IREB2: variants seen among roughly 807,000 people sequenced by gnomAD.
IREB2 encodes iron-responsive element-binding protein 2.
Under a neutral mutation model 118.8 loss-of-function variants are expected in IREB2, and 39 were observed. That is an observed-to-expected ratio of 0.33 (90% CI 0.25 to 0.43). The LOEUF (loss-of-function observed/expected upper bound fraction) is 0.43, where lower values mean the gene tolerates loss of function less well. Among genes scored for constraint, IREB2 ranks in the 20% least tolerant of loss-of-function variants. The pLI is 1.00. For missense variants in IREB2, 900 were observed against 1,147.3 expected (o/e 0.78, Z 3.11); for synonymous variants, 372 against 392.2 (o/e 0.95, Z 0.61).
At chr15:78,468,737 A>T (rs947260521) in intron 5 of IREB2, among the ~76,000 whole-genome samples, 2 of 152,152 alleles carry the variant, frequency 1.3e-5, no homozygotes, top group Non-Finnish European at 2.9e-5. Flanking sequence ...TAATATTTTT[A>T]TGAAGCCACA....
In IREB2 at chr15:78,488,310, A is replaced by G; in HGVS notation, c.1925A>G (p.Asn642Ser). Residue 642 changes from asparagine to serine, a missense_variant, in exon 15 of 22, where the codon AAT becomes AGT. Physicochemically the swap from Asn to Ser is conservative, Grantham distance 46. Transcript: ENST00000258886. ...GCTTATGCCATAGCAGGCACAGTGAATATAGATTTCCAGACAGAACCTTTA... is the reference window on the plus strand; with the variant it reads ...GCTTATGCCATAGCAGGCACAGTGAGTATAGATTTCCAGACAGAACCTTTA... ...VVAYAIAGTV[N>S]IDFQTEPLGT... 1 of 1,602,496 alleles carries G rather than the reference A, an allele frequency of 6.2e-7. No individual in the cohort carries two copies.
In IREB2 at chr15:78,498,355, C is replaced by A; in HGVS notation, c.*212C>A. ...ATGGTGCTATTAATATTGCTAAAATCAACGTGTGAAGTGTGTTGTGGAAGA... is the reference window on the plus strand; with the variant it reads ...ATGGTGCTATTAATATTGCTAAAATAAACGTGTGAAGTGTGTTGTGGAAGA... On this transcript the variant is annotated 3_prime_UTR_variant, in exon 22 of 22. Transcript: ENST00000258886. The A allele has an allele frequency of 5.9e-6, 2 of 337,162 alleles. No homozygotes were observed. Among genetic ancestry groups the A allele is most frequent in the Non-Finnish European group, 1.1e-5 (2 of 184,812 alleles). The allele number at this position is 337,162 out of a possible 1,614,324, so 20.9% of individuals were successfully genotyped here.
intron 18 of IREB2, 90 bp from the exon 19 acceptor site, chr15:78,493,819 T>G: frequency 8.0e-7 from 1 of 1,244,042 alleles, no homozygotes; most frequent in East Asian, 2.4e-5. Flanking sequence ...TTTTCTGTGA[T>G]AAAAAAATTT....
At chr15:78,490,818 A>C (rs2051738729) in intron 18 of IREB2, 57 bp downstream of exon 18, 1 of 1,501,700 alleles carries the variant, frequency 6.7e-7, no homozygotes, top group African/African-American at 1.4e-5. Flanking sequence ...ACTGATTAAG[A>C]GGCTTCTATT....
At chr15:78,442,442 C>T (rs1345908592) in intron 2 of IREB2, among the ~76,000 whole-genome samples, 1 of 152,296 alleles carries the variant, frequency 6.6e-6, no homozygotes. Flanking sequence ...CACCAAGGTA[C>T]AGAGCCAGTC....
intron 7 of IREB2, among the ~76,000 whole-genome samples, chr15:78,472,188 G>A (rs192658423): frequency 4.8e-4 from 73 of 152,266 alleles, no homozygotes; most frequent in Non-Finnish European, 7.2e-4. Flanking sequence ...ATGATGATAC[G>A]TCTACAAAGT....
chr15:78,450,393 G>A (rs2051003100), intron 2 of IREB2, among the ~76,000 whole-genome samples: 1 of 152,212 alleles, frequency 6.6e-6, no homozygotes, highest in Admixed American at 6.5e-5. Flanking sequence ...GGACAAACTT[G>A]GAAGAGGTTC....
At position 78,484,890 on chromosome 15, in the gene IREB2, A is replaced by C. The variant is rs955031927; in HGVS notation, c.1543A>C (p.Asn515His). ...TGCTGCAGTTATCAGTTGTACCAAT[A>C]ATTGCAATCCATCTGTCATGCTTGC... ...VIAAVISCTN[N>H]CNPSVMLAAG... The change falls in exon 12 of 22, where the codon AAT (asparagine) becomes CAT (histidine). Residue 515 changes from asparagine to histidine, a missense_variant. Physicochemically the swap from Asn to His is moderately conservative, Grantham distance 68. Coordinates refer to ENST00000258886, the MANE Select transcript of IREB2 (RefSeq NM_004136.4). 6.2e-7 allele frequency: 1 copy of C among 1,613,664 alleles called. No individual in the cohort carries two copies. Among genetic ancestry groups the C allele is most frequent in the Non-Finnish European group, 8.5e-7 (1 of 1,179,826 alleles).
chr15:78,475,784 G>A, intron 8 of IREB2: 1 of 153,324 alleles, frequency 6.5e-6, no homozygotes. Context: ...CCACGGTGTT[G>A]GAAGCTGCAG....
rs546849773 is a variant in IREB2, at chr15:78,461,288, T to C, written c.107-1634T>C. Among the ~76,000 whole-genome samples the C allele has an allele frequency of 2.6e-5, 4 of 152,294 alleles. No homozygotes were observed. In the South Asian group the frequency reaches 8.3e-4, roughly 32 times the overall value. ...TTGAACTTTGTTCACAGTAAACAGA[T>C]GAGTTACCAAAAATGCACATAGAGA... On this transcript the variant is annotated intron_variant, in intron 2 of 21. Transcript: ENST00000258886.
intron 10 of IREB2, 57 bp downstream of exon 10, chr15:78,478,454 G>C: frequency 9.1e-7 from 1 of 1,103,184 alleles, no homozygotes; most frequent in Non-Finnish European, 1.4e-6. Flanking sequence ...TGTAATCCCA[G>C]CGCTTTGAAA....
At chr15:78,438,580 G>A (rs1312548770) in intron 1 of IREB2, 2 of 567,468 alleles carry the variant, frequency 3.5e-6, no homozygotes, top group Non-Finnish European at 6.3e-6. Flanking sequence ...CGCAGGGCGG[G>A]CCACCCCACC....
chr15:78,471,831 G>T lies in IREB2; in HGVS notation c.790G>T (p.Val264Phe). The stretch of plus-strand genomic sequence containing the variant: ...AAACTTAGAATATTTGTCAAGAGTG[G>T]TTTTTGAAGAAAAAGACCTCCTCTT... ...QINLEYLSRV[V>F]FEEKDLLFPD... The change falls in exon 7 of 22, where the codon GTT (valine) becomes TTT (phenylalanine). Residue 264 changes from valine to phenylalanine, a missense_variant. By Grantham distance (50) the Val-to-Phe change is conservative. Coordinates refer to ENST00000258886, the MANE Select transcript of IREB2 (RefSeq NM_004136.4). 1 of 1,613,710 alleles carries T rather than the reference G, an allele frequency of 6.2e-7. No individual in the cohort carries two copies. The highest frequency in any genetic ancestry group is 1.1e-5 in the South Asian group (1 of 91,008).
chr15:78,470,848 G>C (rs28453862), intron 6 of IREB2: 264,827 of 269,354 alleles, frequency 0.98, 130,361 homozygotes, highest in East Asian at 1. Flanking sequence ...GCGCACACCA[G>C]CACGCCTGGC....
intron 1 of IREB2, chr15:78,438,568 C>G (rs1203502043): frequency 1.7e-6 from 1 of 584,268 alleles, no homozygotes; most frequent in African/African-American, 1.9e-5. Flanking sequence ...CTGCGCGACA[C>G]CCGCAGGGCG....
In IREB2 at chr15:78,494,280, A is replaced by G. The variant is rs1375772352; in HGVS notation, c.2595+16A>G. The stretch of plus-strand genomic sequence containing the variant: ...GTATTTACTGGTATTGAATCTTAAA[A>G]TTTATCATCTTAAGCTTCAAAGAGT... On this transcript the variant is annotated intron_variant, in intron 20 of 21. Coordinates refer to ENST00000258886, the MANE Select transcript of IREB2 (RefSeq NM_004136.4). 5.0e-6 allele frequency: 8 copies of G among 1,606,870 alleles called. No homozygotes were observed. The highest frequency in any genetic ancestry group is 1.3e-5 in the African/African-American group (1 of 74,318).
Position 78,478,191 on chromosome 15 carries a change from A to G in IREB2, c.1196-106A>G, listed in dbSNP as rs1000505688. On this transcript the variant is annotated intron_variant, in intron 9 of 21. Coordinates refer to ENST00000258886, the MANE Select transcript of IREB2 (RefSeq NM_004136.4). Reference sequence around the variant, plus strand: ...CAAGGTTGCAGTGAGCTGTGATTGCAGCACTGCGCTCCAGCCTGGGCAACA... The same window carrying G: ...CAAGGTTGCAGTGAGCTGTGATTGCGGCACTGCGCTCCAGCCTGGGCAACA... 5 of 696,738 alleles carry G rather than the reference A, an allele frequency of 7.2e-6. No homozygotes were observed. In the African/African-American group the frequency reaches 8.9e-5, roughly 12 times the overall value. The allele number at this position is 696,738 out of a possible 1,614,324, so 43.2% of individuals were successfully genotyped here.
intron 20 of IREB2, among the ~76,000 whole-genome samples, chr15:78,495,513 C>T (rs962928014): frequency 6.6e-6 from 1 of 152,048 alleles, no homozygotes; most frequent in Non-Finnish European, 1.5e-5. Context: ...TTAAGCGATT[C>T]TATATGTCAT....
Position 78,466,201 on chromosome 15 carries a change from G to A in IREB2, c.411-70G>A, listed in dbSNP as rs542205002. ...CTTCCAGATAGCGTTGCTAATGTGC[G>A]TTTTTTTTTAAGAGCTAAATTTGTG... On this transcript the variant is annotated intron_variant, in intron 4 of 21. Coordinates refer to ENST00000258886, the MANE Select transcript of IREB2 (RefSeq NM_004136.4). 51 of 992,632 alleles carry A rather than the reference G, an allele frequency of 5.1e-5. No homozygotes were observed. In the South Asian group the frequency reaches 5.3e-4, roughly 10 times the overall value. 61.5% of individuals were successfully genotyped at this position (992,632 alleles called of 1,614,324 possible).
Sources: allele counts gnomAD v4.1 joint callset (sites outside exome capture counted in the v4.1 genomes callset), GRCh38; gene constraint gnomAD v4.1.1; transcripts MANE v1.5; gene names NCBI Gene and HGNC (gene_info 2026-07-23, HGNC 2026-07-21).